The following NDE1 variants were observed in gnomAD, a reference collection of about 807,000 sequenced individuals.
NDE1 encodes nuclear distribution protein nudE homolog 1.
NDE1 carries 28 observed loss-of-function variants against 43.4 expected under a neutral mutation model. That is an observed-to-expected ratio of 0.65 (90% CI 0.48 to 0.89). NDE1 has a LOEUF of 0.89. Among genes scored for constraint, NDE1 ranks in the 40% least tolerant of loss-of-function variants. The pLI, the probability that NDE1 is intolerant of heterozygous loss-of-function variation, is 0.00. For missense variants in NDE1, 441 were observed against 434.1 expected (o/e 1.02, Z -0.14); for synonymous variants, 184 against 172.0 (o/e 1.07, Z -0.55).
chr16:15,715,991 G>A (rs2040110433), intron 8 of NDE1, among the ~76,000 whole-genome samples: 1 of 152,130 alleles, frequency 6.6e-6, no homozygotes, highest in African/African-American at 2.4e-5. Context: ...GCTGGGTACA[G>A]TGGTGTGCAC....
chr16:15,691,065 C>A (rs986318352), intron 5 of NDE1, 79 bp from the exon 6 acceptor site: 2 of 1,589,998 alleles, frequency 1.3e-6, no homozygotes, highest in Non-Finnish European at 1.7e-6. Context: ...GCCTTGGCCT[C>A]CCAAAGTGCT....
At chr16:15,647,629 T>C (rs1049972211), upstream of NDE1, among the ~76,000 whole-genome samples, 13 of 152,296 alleles carry the variant, frequency 8.5e-5, no homozygotes, top group African/African-American at 3.1e-4. Context: ...TTACTTTTTC[T>C]GCTTATAGAT....
intron 7 of NDE1, among the ~76,000 whole-genome samples, chr16:15,695,286 T>C (rs2038960346): frequency 7.1e-6 from 1 of 141,544 alleles, no homozygotes; most frequent in South Asian, 2.3e-4. Flanking sequence ...GATGGGTGGA[T>C]CACCTGAAGT....
At chr16:15,713,483 GA>G in intron 8 of NDE1, 1 of 152,410 alleles carries the variant, frequency 6.6e-6, no homozygotes, top group Non-Finnish European at 1.5e-5. Context: ...TGCTCTGTGG[GA>G]AAAGGTGGAG....
At chr16:15,718,536 T>TA (rs2040294603) in intron 8 of NDE1, 1 of 1,467,308 alleles carries the variant, frequency 6.8e-7, no homozygotes, top group East Asian at 2.5e-5. Flanking sequence ...GCCCTCATCA[T>TA]CTAATGGGTG....
In NDE1 at chr16:15,677,956, G is replaced by C. The variant is rs766236822; in HGVS notation, c.386+7G>C. On this transcript the variant is annotated splice_region_variant and intron_variant, in intron 4 of 8. Transcript: ENST00000396354. ...ACCTGGAAAGAGCCAAGCGGTATGGGTGGAAGGGAAAAGCACGAGTGGGAG... is the reference window on the plus strand; with the variant it reads ...ACCTGGAAAGAGCCAAGCGGTATGGCTGGAAGGGAAAAGCACGAGTGGGAG... 1 of 1,614,060 alleles carries C rather than the reference G, an allele frequency of 6.2e-7. No homozygotes were observed.
At chr16:15,709,096 C>T (rs371432873) in intron 8 of NDE1, among the ~76,000 whole-genome samples, 2 of 151,412 alleles carry the variant, frequency 1.3e-5, no homozygotes, top group African/African-American at 2.4e-5. Context: ...GCAGGCCCCA[C>T]GTGCTTGGCT....
chr16:15,661,945 T>C (rs1193624066), intron 1 of NDE1, among the ~76,000 whole-genome samples: 1 of 148,586 alleles, frequency 6.7e-6, no homozygotes, highest in East Asian at 1.9e-4. Context: ...CCTACTTTCT[T>C]TTTTTTTAGA....
At chr16:15,647,691 TCTGA>T (rs1363021073), upstream of NDE1, among the ~76,000 whole-genome samples, 2 of 152,276 alleles carry the variant, frequency 1.3e-5, no homozygotes, top group East Asian at 3.9e-4. Flanking sequence ...AGGTACTTTG[TCTGA>T]CTGTATTCAC....
chr16:15,693,116 C>T (rs1050965591), intron 6 of NDE1, among the ~76,000 whole-genome samples: 1 of 152,080 alleles, frequency 6.6e-6, no homozygotes, highest in Non-Finnish European at 1.5e-5. Context: ...ATTCTCATGC[C>T]TCAGCCTCCC....
intron 8 of NDE1, chr16:15,721,332 G>C: frequency 1.4e-6 from 2 of 1,420,272 alleles, no homozygotes; most frequent in Non-Finnish European, 2.0e-6. Context: ...CTATGAAAAA[G>C]GCCAGGAGCT....
intron 5 of NDE1, among the ~76,000 whole-genome samples, chr16:15,688,198 G>A (rs2038538249): frequency 1.3e-5 from 2 of 151,794 alleles, no homozygotes. Context: ...GATGTTGTGG[G>A]GAGAAATTTC....
intron 8 of NDE1, chr16:15,699,564 C>G: frequency 8.4e-7 from 1 of 1,186,284 alleles, no homozygotes; most frequent in Non-Finnish European, 1.1e-6. Context: ...ATCTGAGAGC[C>G]AGGTAGCCAG....
chr16:15,717,250 C>G, intron 8 of NDE1: 1 of 1,614,182 alleles, frequency 6.2e-7, no homozygotes, highest in Non-Finnish European at 8.5e-7. Flanking sequence ...GGAGCTTGCT[C>G]CGGAGCTCCT....
chr16:15,682,124 TA>T (rs2038213570), intron 4 of NDE1, among the ~76,000 whole-genome samples: 1 of 152,222 alleles, frequency 6.6e-6, no homozygotes, highest in Non-Finnish European at 1.5e-5. Flanking sequence ...AGTTTAGTGT[TA>T]AAAATCGGAT....
upstream of NDE1, among the ~76,000 whole-genome samples, chr16:15,649,032 C>A (rs1398211153): frequency 6.6e-6 from 1 of 151,804 alleles, no homozygotes; most frequent in Admixed American, 6.6e-5. Context: ...CCCGTCTCTA[C>A]TAAAAATATA....
chr16:15,654,464 G>A (rs563477688), intron 1 of NDE1, among the ~76,000 whole-genome samples: 1 of 151,644 alleles, frequency 6.6e-6, no homozygotes, highest in East Asian at 1.9e-4. Flanking sequence ...AGCCAGTCGT[G>A]GTGGCATGCA....
chr16:15,717,805 G>A (rs13333581), intron 8 of NDE1: 13,267 of 257,752 alleles, frequency 0.051, 1,038 homozygotes, highest in African/African-American at 0.21. Flanking sequence ...AAAAAAAAGA[G>A]GTGCTTCCAC....
chr16:15,686,326 G>A, intron 4 of NDE1: 1 of 953,422 alleles, frequency 1.0e-6, no homozygotes, highest in Non-Finnish European at 1.2e-6. Flanking sequence ...TGTTTTGCAT[G>A]AGAGAAAACT....
Sources: gnomAD v4.1 joint callset for allele counts (sites outside exome capture counted in the v4.1 genomes callset) on GRCh38, gnomAD v4.1.1 for gene constraint, MANE v1.5 for transcripts, NCBI Gene and HGNC (gene_info 2026-07-23, HGNC 2026-07-21) for gene names.